Variants in GPM6B observed in about 807,000 individuals in gnomAD.
The protein encoded by GPM6B is glycoprotein M6B, also known as neuronal membrane glycoprotein M6-b.
In GPM6B, 4 loss-of-function variants were observed where a neutral mutation model predicts 27.2. That is an observed-to-expected ratio of 0.15 (90% confidence interval 0.07 to 0.34). The LOEUF (loss-of-function observed/expected upper bound fraction) is 0.34. GPM6B is among the 10% of genes least tolerant of loss of function. The pLI is 1.00. For missense variants in GPM6B, 183 were observed against 261.9 expected (o/e 0.70, Z 2.08); for synonymous variants, 124 against 103.1 (o/e 1.20, Z -1.23).
upstream of GPM6B, among the ~76,000 whole-genome samples, chrX:13,821,690 G>A (rs1048838612): frequency 5.4e-5 from 6 of 111,165 alleles, no homozygotes; most frequent in Admixed American, 2.9e-4. Flanking sequence ...TCCGCCTCCC[G>A]GGTTCAAGTG....
At chrX:13,832,174 G>A in intron 1 of GPM6B, among the ~76,000 whole-genome samples, 1 of 111,790 alleles carries the variant, frequency 8.9e-6, no homozygotes, top group East Asian at 2.8e-4. Flanking sequence ...GAGTGAGCAT[G>A]TAGTTGTCAC....
At chrX:13,798,454 A>G (rs1428608180) in intron 2 of GPM6B, among the ~76,000 whole-genome samples, 2 of 111,031 alleles carry the variant, frequency 1.8e-5, no homozygotes, top group East Asian at 5.7e-4. Flanking sequence ...ACACACTCAT[A>G]TGCCCTGCAT....
At chrX:13,885,661 T>A (rs1204555946) in intron 1 of GPM6B, among the ~76,000 whole-genome samples, 5 of 110,940 alleles carry the variant, frequency 4.5e-5, no homozygotes, top group Non-Finnish European at 7.6e-5. Context: ...GATGCAAAGG[T>A]CTTTTGTATG....
chrX:13,907,266 G>C (rs1199889910), intron 1 of GPM6B, among the ~76,000 whole-genome samples: 3 of 112,488 alleles, frequency 2.7e-5, no homozygotes, highest in African/African-American at 6.5e-5. Context: ...CAACCCAAGA[G>C]ATGGTTTTTT....
chrX:13,883,524 G>A lies in GPM6B; in HGVS notation c.-198+54803C>T, dbSNP rs765348048. On this transcript the variant is annotated intron_variant, in intron 1 of 6. Coordinates refer to the GPM6B transcript ENST00000398361. ...CAGTAATTTTTTATATTGGTCACAT[G>A]TTGAAATAACATTTTGGAAATACTG... is the stretch of plus-strand genomic sequence containing the variant. Among the ~76,000 whole-genome samples, 169 of 61,248 alleles carry A rather than the reference G, an allele frequency of 2.8e-3. 2 individuals carry two copies. Among genetic ancestry groups the A allele is most frequent in the African/African-American group, 9.4e-3 (149 of 15,841 alleles). 53.2% of individuals were successfully genotyped at this position (61,248 alleles called of 115,157 possible). A position where few individuals can be genotyped will look rare whatever the true frequency, so the allele number is the denominator to read the frequency against.
intron 1 of GPM6B, among the ~76,000 whole-genome samples, chrX:13,890,209 T>C (rs1034305050): frequency 3.6e-5 from 4 of 111,081 alleles, no homozygotes; most frequent in African/African-American, 1.3e-4. Context: ...GTGATGAGAG[T>C]GACCTCTGGT....
chrX:13,816,543 G>A (rs182057686), intron 1 of GPM6B, among the ~76,000 whole-genome samples: 33 of 111,259 alleles, frequency 3.0e-4, no homozygotes, highest in Non-Finnish European at 5.6e-4. Flanking sequence ...CCTAAGTTAC[G>A]ATTAATTATA....
chrX:13,783,411 T>C lies in GPM6B; in HGVS notation c.479A>G (p.His160Arg). ...ACAAGCGGTTGTTTTAAACTCACCGTGCAGTTCTTTCACTGCACTTGTGGT... is the reference window on the plus strand; with the variant it reads ...ACAAGCGGTTGTTTTAAACTCACCGCGCAGTTCTTTCACTGCACTTGTGGT... The part of the protein sequence containing the change: ...FYTTSAVKEL[H>R]GEFKTTACGR... Residue 160 changes from histidine to arginine, a missense_variant, in exon 4 of 8, where the codon CAC (histidine) becomes CGC (arginine). Transcript: ENST00000316715. The C allele has an allele frequency of 8.3e-7, 1 of 1,206,477 alleles. No homozygotes were observed. Among genetic ancestry groups the C allele is most frequent in the African/African-American group, 1.7e-5 (1 of 57,712 alleles).
rs1382468565 is a variant in GPM6B at position 13,771,253 on chromosome X, C to CTCTTCTA, written c.*1621_*1627dup. Reference sequence around the variant, plus strand: ...AGTAAAATTAGGCTTTAGACACTGCCTCTTCTAGAACACTGGACTCTGACA... The same window carrying CTCTTCTA: ...AGTAAAATTAGGCTTTAGACACTGCCTCTTCTATCTTCTAGAACACTGGACTCTGACA... On this transcript the variant is annotated 3_prime_UTR_variant, in exon 8 of 8. Transcript: ENST00000316715. The CTCTTCTA allele has an allele frequency of 3.6e-5, 4 of 111,547 alleles. No homozygotes were observed. The East Asian group carries it at 1.1e-3, about 31-fold the overall frequency. 9.2% of individuals were successfully genotyped at this position (111,547 alleles called of 1,213,427 possible).
chrX:13,909,269 G>A (rs1368492484), intron 1 of GPM6B, among the ~76,000 whole-genome samples: 2 of 108,881 alleles, frequency 1.8e-5, no homozygotes, highest in Non-Finnish European at 3.8e-5. Flanking sequence ...GATTACAGGT[G>A]TGCACCACCA....
intron 1 of GPM6B, among the ~76,000 whole-genome samples, chrX:13,878,170 AT>A (rs1024854123): frequency 1.8e-4 from 19 of 107,782 alleles, no homozygotes; most frequent in Non-Finnish European, 2.9e-4. Context: ...AAAAAAAAAA[AT>A]CAAAGGAATC....
rs12687647 is a variant in GPM6B at position 13,888,776 on chromosome X, A to C, written c.-198+49551T>G. ...TTTTCCTCTGAAGCCAATGATCTAAAATAGAATCACAACTGATTCTGATGG... is the reference window on the plus strand; with the variant it reads ...TTTTCCTCTGAAGCCAATGATCTAACATAGAATCACAACTGATTCTGATGG... On this transcript the variant is annotated intron_variant, in intron 1 of 6. Coordinates refer to the GPM6B transcript ENST00000398361. 4.4e-4 allele frequency among the ~76,000 whole-genome samples: 49 copies of C among 111,761 alleles called. No individual in the cohort carries two copies. In the East Asian group the frequency reaches 0.013, roughly 30 times the overall value.
In GPM6B at chrX:13,777,394, T is replaced by C. The variant is rs2048434243; in HGVS notation, c.729A>G (p.Lys243=). 8.3e-7 allele frequency: 1 copy of C among 1,203,934 alleles called. No homozygotes were observed. The highest frequency in any genetic ancestry group is 1.8e-5 in the African/African-American group (1 of 57,051). Residue 243 remains lysine (K), a synonymous_variant, in exon 6 of 8, where the codon AAA becomes AAG. Transcript: ENST00000316715. ...GIIPWNAFPG[K]ICGSALENIC... is the part of the protein sequence containing the mutation. ...TGTTCTCCAGGGCAGAGCCACATAT[T>C]TTTCCGGGGAAAGCATTCCAAGGAA...
intron 5 of GPM6B, 30 bp downstream of exon 5, chrX:13,779,788 C>T (rs752178409): frequency 1.8e-6 from 2 of 1,116,680 alleles, no homozygotes; most frequent in East Asian, 3.1e-5. Flanking sequence ...AATGAAATAA[C>T]TGGGGGAGGG....
intron 1 of GPM6B, among the ~76,000 whole-genome samples, chrX:13,896,452 C>T (rs1448500577): frequency 3.6e-5 from 4 of 110,429 alleles, no homozygotes; most frequent in Non-Finnish European, 7.6e-5. Context: ...AACCCTCATG[C>T]TTATAAAAGC....
chrX:13,772,479 G>A lies in GPM6B; in HGVS notation c.*402C>T, dbSNP rs1424220582. On this transcript the variant is annotated 3_prime_UTR_variant, in exon 8 of 8. Transcript: ENST00000316715. Reference sequence around the variant, plus strand: ...ACACTTGAGGACAGATGGCATATATGTGAATTTACGGTCTTATCCCTTGAT... The same window carrying A: ...ACACTTGAGGACAGATGGCATATATATGAATTTACGGTCTTATCCCTTGAT... The A allele has an allele frequency of 1.6e-5, 2 of 121,380 alleles. No homozygotes were observed. The highest frequency in any genetic ancestry group is 3.4e-5 in the Non-Finnish European group (2 of 59,463). The allele number at this position is 121,380 out of a possible 1,213,427, so 10.0% of individuals were successfully genotyped here. A position where few individuals can be genotyped will look rare whatever the true frequency, so the allele number is the denominator to read the frequency against.
chrX:13,871,923 T>C (rs2049982592), intron 1 of GPM6B, among the ~76,000 whole-genome samples: 1 of 111,812 alleles, frequency 8.9e-6, no homozygotes, highest in East Asian at 2.8e-4. Context: ...GACTGCTGGG[T>C]CCAGCTGTTC....
chrX:13,782,710 C>T (rs2048537534), intron 4 of GPM6B, among the ~76,000 whole-genome samples: 1 of 99,595 alleles, frequency 1.0e-5, no homozygotes, highest in Non-Finnish European at 2.0e-5. Flanking sequence ...TAGTGGAGAT[C>T]GCGACACTGC....
At chrX:13,862,851 T>C (rs1440271784) in intron 1 of GPM6B, among the ~76,000 whole-genome samples, 1 of 86,100 alleles carries the variant, frequency 1.2e-5, no homozygotes, top group Non-Finnish European at 2.4e-5. Context: ...CATGCCCGGC[T>C]AACTTTTGTG....
Sources: gnomAD v4.1 joint callset for allele counts (sites outside exome capture counted in the v4.1 genomes callset) on GRCh38, gnomAD v4.1.1 for gene constraint, MANE v1.5 for transcripts, NCBI Gene and HGNC (gene_info 2026-07-23, HGNC 2026-07-21) for gene names.